Variants in DSCAM observed in about 807,000 individuals in gnomAD.
The protein encoded by DSCAM is DS cell adhesion molecule, also known as cell adhesion molecule DSCAM.
A neutral mutation model predicts 217.7 loss-of-function variants in DSCAM; 47 were observed. The ratio of observed to expected loss-of-function variants is 0.22; its 90% CI spans 0.17 to 0.28. The LOEUF (loss-of-function observed/expected upper bound fraction) is 0.28, where lower values mean the gene tolerates loss of function less well. Among genes scored for constraint, DSCAM ranks in the 10% least tolerant of loss-of-function variants. DSCAM has a pLI of 1.00. For missense variants in DSCAM, 2,080 were observed against 2,618.3 expected (o/e 0.79, Z 4.49); for synonymous variants, 1,056 against 1,015.3 (o/e 1.04, Z -0.76).
intron 20 of DSCAM, among the ~76,000 whole-genome samples, chr21:40,106,482 C>G (rs1215775860): frequency 6.6e-6 from 1 of 152,114 alleles, no homozygotes; most frequent in Non-Finnish European, 1.5e-5. Context: ...ATGCTGGCCT[C>G]ATAGAACGAG....
At chr21:40,290,759 CTG>C (rs1224471132) in intron 10 of DSCAM, among the ~76,000 whole-genome samples, 1 of 152,236 alleles carries the variant, frequency 6.6e-6, no homozygotes, top group African/African-American at 2.4e-5. Flanking sequence ...CCGCCAATAT[CTG>C]TCCTTTGGGT....
At chr21:40,399,311 C>CAAA (rs1312205916) in intron 3 of DSCAM, among the ~76,000 whole-genome samples, 1 of 150,670 alleles carries the variant, frequency 6.6e-6, no homozygotes, top group Non-Finnish European at 1.5e-5. Context: ...CAAAACAAAA[C>CAAA]ATAGGAGTCC....
chr21:40,571,853 G>T (rs960860707), intron 3 of DSCAM, among the ~76,000 whole-genome samples: 5 of 152,192 alleles, frequency 3.3e-5, no homozygotes, highest in African/African-American at 1.2e-4. Context: ...GCCTCCCAAA[G>T]TGCTGGGTTT....
chr21:40,503,616 A>AGTGTATTTTTGTTTGAGAGTTCTTGTAG (rs1217025681), intron 3 of DSCAM, among the ~76,000 whole-genome samples: 9 of 152,272 alleles, frequency 5.9e-5, no homozygotes, highest in African/African-American at 1.9e-4. Context: ...GGGTTACCTT[A>AGTGTATTTTTGTTTGAGAGTTCTTGTAG]CCTCAGGTAG....
Position 40,336,873 on chromosome 21 carries a change from T to C in DSCAM, c.1783+1228A>G, listed in dbSNP as rs536436981. Among the ~76,000 whole-genome samples, 44 of 152,332 alleles carry C rather than the reference T, an allele frequency of 2.9e-4. 1 individual carries two copies. In the South Asian group the frequency reaches 8.1e-3, roughly 28 times the overall value. On this transcript the variant is annotated intron_variant, in intron 8 of 32. Transcript: ENST00000400454. ...AGTGCCTGGCATGAAGCAGATGTTCTGTAAATGAGGATTAAATAAATAAAC... is the reference window on the plus strand; with the variant it reads ...AGTGCCTGGCATGAAGCAGATGTTCCGTAAATGAGGATTAAATAAATAAAC...
chr21:40,785,065 C>T (rs1014307939), intron 1 of DSCAM, among the ~76,000 whole-genome samples: 1 of 152,188 alleles, frequency 6.6e-6, no homozygotes, highest in Non-Finnish European at 1.5e-5. Flanking sequence ...GATGATTCTG[C>T]ACTAAAAGCT....
intron 3 of DSCAM, among the ~76,000 whole-genome samples, chr21:40,482,682 G>C (rs571165723): frequency 6.6e-6 from 1 of 152,188 alleles, no homozygotes; most frequent in African/African-American, 2.4e-5. Context: ...CCTGACAGCA[G>C]AGGGCAATAA....
At chr21:40,180,767 C>G (rs7276629) in intron 14 of DSCAM, among the ~76,000 whole-genome samples, 2,008 of 152,122 alleles carry the variant, frequency 0.013, 49 homozygotes, top group African/African-American at 0.046. Context: ...ACTGGAGGCT[C>G]TTGTCTGGGA....
chr21:40,498,697 A>ATATATATAT lies in DSCAM; in HGVS notation c.509-129453_509-129452insATATATATA, dbSNP rs1568854893. 3.2e-4 allele frequency among the ~76,000 whole-genome samples: 2 copies of ATATATATAT among 6,248 alleles called. 1 individual carries two copies. The highest frequency in any genetic ancestry group is 5.6e-4 in the Non-Finnish European group (2 of 3,602). The allele number at this position is 6,248 out of a possible 152,430, so 4.1% of individuals were successfully genotyped here. ...TATATATATATATATATATATATAT[A>ATATATATAT]GATATATATATATGGGTGTATATAT... On this transcript the variant is annotated intron_variant, in intron 3 of 32. Coordinates refer to ENST00000400454, the MANE Select transcript of DSCAM (RefSeq NM_001389.5).
At chr21:40,801,930 T>C (rs1301173529) in intron 1 of DSCAM, among the ~76,000 whole-genome samples, 1 of 152,132 alleles carries the variant, frequency 6.6e-6, no homozygotes, top group Non-Finnish European at 1.5e-5. Context: ...AGCAATGCTG[T>C]ATGTAACTGT....
intron 8 of DSCAM, among the ~76,000 whole-genome samples, chr21:40,326,893 A>G (rs1037374782): frequency 3.3e-5 from 5 of 150,300 alleles, no homozygotes; most frequent in Admixed American, 6.7e-5. Context: ...CCACATATAT[A>G]TGTACTTATA....
intron 1 of DSCAM, among the ~76,000 whole-genome samples, chr21:40,838,679 A>G (rs935238534): frequency 2.6e-5 from 4 of 152,244 alleles, no homozygotes; most frequent in African/African-American, 9.6e-5. Flanking sequence ...CAAGGCTTGT[A>G]TGAATCAAAA....
At chr21:40,243,838 C>T (rs1293306737) in intron 11 of DSCAM, among the ~76,000 whole-genome samples, 2 of 152,132 alleles carry the variant, frequency 1.3e-5, no homozygotes, top group South Asian at 2.1e-4. Flanking sequence ...ACATTAATTT[C>T]CCCCAGTGTC....
intron 11 of DSCAM, among the ~76,000 whole-genome samples, chr21:40,230,939 G>A (rs8131056): frequency 6.6e-6 from 1 of 151,426 alleles, no homozygotes; most frequent in East Asian, 2.0e-4. Flanking sequence ...ACCCCCACCC[G>A]GCATCCCTGC....
chr21:40,762,161 T>C (rs2091342359), intron 1 of DSCAM, among the ~76,000 whole-genome samples: 1 of 152,034 alleles, frequency 6.6e-6, no homozygotes, highest in African/African-American at 2.4e-5. Context: ...AAAAAATTAA[T>C]GAATCCAGGA....
chr21:40,519,173 C>T (rs1157306305), intron 3 of DSCAM, among the ~76,000 whole-genome samples: 2 of 152,102 alleles, frequency 1.3e-5, no homozygotes, highest in Admixed American at 6.5e-5. Flanking sequence ...TTATTTTACT[C>T]TTCCTAGGCA....
intron 11 of DSCAM, among the ~76,000 whole-genome samples, chr21:40,208,029 C>T (rs988501979): frequency 2.6e-5 from 4 of 152,086 alleles, no homozygotes; most frequent in African/African-American, 7.2e-5. Context: ...CTTCAACATG[C>T]GAATTTTAGG....
At chr21:40,294,141 C>T (rs1463199412) in intron 10 of DSCAM, among the ~76,000 whole-genome samples, 1 of 152,114 alleles carries the variant, frequency 6.6e-6, no homozygotes, top group Non-Finnish European at 1.5e-5. Context: ...AAAAAAGCTA[C>T]TATTACAACC....
At chr21:40,342,650 T>TTA (rs2074510136) in intron 6 of DSCAM, among the ~76,000 whole-genome samples, 14 of 45,472 alleles carry the variant, frequency 3.1e-4, no homozygotes, top group African/African-American at 1.0e-3. Flanking sequence ...ATATATATAT[T>TTA]TTTTTTTTTT....
Sources: gnomAD v4.1 joint callset for allele counts (sites outside exome capture counted in the v4.1 genomes callset) on GRCh38, gnomAD v4.1.1 for gene constraint, MANE v1.5 for transcripts, NCBI Gene and HGNC (gene_info 2026-07-23, HGNC 2026-07-21) for gene names.